DENND5B: variants seen among roughly 807,000 people sequenced by gnomAD.
The protein encoded by DENND5B is DENN domain-containing protein 5B.
A neutral mutation model predicts 140.6 loss-of-function variants in DENND5B; 34 were observed. The observed-to-expected ratio is 0.24, with a 90% CI of 0.18 to 0.32. DENND5B has a LOEUF of 0.32. DENND5B is among the 10% of genes least tolerant of loss of function. DENND5B has a pLI of 1.00. For missense variants in DENND5B, 1,142 were observed against 1,560.2 expected, an observed-to-expected ratio of 0.73 and a Z score of 4.52; for synonymous variants, 551 against 562.1, an observed-to-expected ratio of 0.98 and a Z score of 0.28.
intron 1 of DENND5B, among the ~76,000 whole-genome samples, chr12:31,566,009 G>A (rs1949612862): frequency 6.6e-6 from 1 of 151,948 alleles, no homozygotes; most frequent in Admixed American, 6.6e-5. Flanking sequence ...GCTGGGCATG[G>A]TGGCATGCAC....
chr12:31,505,238 CCTTT>C (rs1220542253), intron 1 of DENND5B, among the ~76,000 whole-genome samples: 1 of 130,370 alleles, frequency 7.7e-6, no homozygotes, highest in African/African-American at 2.8e-5. Flanking sequence ...ACAGAATTTG[CCTTT>C]TTTTTTTTTT....
chr12:31,465,297 T>C (rs1476041057), intron 3 of DENND5B: 1 of 152,396 alleles, frequency 6.6e-6, no homozygotes, highest in African/African-American at 2.4e-5. Context: ...GCTGGTGGTA[T>C]CCAGCATGCC....
At chr12:31,439,971 G>A (rs1278035980) in intron 7 of DENND5B, among the ~76,000 whole-genome samples, 2 of 127,176 alleles carry the variant, frequency 1.6e-5, no homozygotes, top group Non-Finnish European at 3.3e-5. Flanking sequence ...AACAAAAACT[G>A]TTAAACTAAT....
intron 7 of DENND5B, among the ~76,000 whole-genome samples, chr12:31,441,544 T>C (rs2137968004): frequency 6.6e-6 from 1 of 150,928 alleles, no homozygotes; most frequent in Admixed American, 6.6e-5. Context: ...ATAATAGTGG[T>C]GATCATAGGT....
At chr12:31,390,679 A>AT (rs888005655) in intron 19 of DENND5B, among the ~76,000 whole-genome samples, 98 of 151,662 alleles carry the variant, frequency 6.5e-4, no homozygotes, top group Non-Finnish European at 1.2e-3. Flanking sequence ...TTAAATGGCT[A>AT]TATGTGGCTA....
At chr12:31,471,864 G>A (rs1368521768) in intron 3 of DENND5B, among the ~76,000 whole-genome samples, 1 of 152,056 alleles carries the variant, frequency 6.6e-6, no homozygotes, top group African/African-American at 2.4e-5. Context: ...ATCCTTGAGG[G>A]ACCAGCCAGT....
At chr12:31,457,190 G>A (rs1287379772) in intron 4 of DENND5B, among the ~76,000 whole-genome samples, 2 of 152,200 alleles carry the variant, frequency 1.3e-5, no homozygotes, top group Non-Finnish European at 2.9e-5. Context: ...ACCAGTTACT[G>A]TGAAGATGAG....
intron 14 of DENND5B, among the ~76,000 whole-genome samples, chr12:31,405,042 G>A (rs914098402): frequency 2.4e-4 from 37 of 151,778 alleles, no homozygotes; most frequent in African/African-American, 8.2e-4. Context: ...TTACAGGCAT[G>A]AGCCACCGTG....
intron 1 of DENND5B, among the ~76,000 whole-genome samples, chr12:31,557,368 T>C (rs963189941): frequency 7.2e-5 from 11 of 152,154 alleles, no homozygotes; most frequent in African/African-American, 2.7e-4. Context: ...TATAGTTATA[T>C]TCATATTCAT....
chr12:31,482,691 G>A (rs748230717), intron 2 of DENND5B, among the ~76,000 whole-genome samples: 4 of 151,816 alleles, frequency 2.6e-5, no homozygotes, highest in East Asian at 3.9e-4. Context: ...CAATCCTCCC[G>A]CCTCAGCCTC....
intron 1 of DENND5B, among the ~76,000 whole-genome samples, chr12:31,548,961 T>C (rs1484329453): frequency 6.6e-6 from 1 of 152,070 alleles, no homozygotes; most frequent in Non-Finnish European, 1.5e-5. Context: ...AGTGGTACGA[T>C]CATAGCTCAC....
At position 31,398,095 on chromosome 12, in the gene DENND5B, T is replaced by C; in HGVS notation, c.3256+80A>G. ...TTTTAAAATCTCCTCACTACATTCA[T>C]TAACACAACTGTTTTCTATCAAATG... On this transcript the variant is annotated intron_variant, in intron 17 of 20. Transcript: ENST00000389082. 3 of 1,343,770 alleles carry C rather than the reference T, an allele frequency of 2.2e-6. 1 individual carries two copies. In the South Asian group the frequency reaches 4.4e-5, roughly 20 times the overall value. 83.2% of individuals were successfully genotyped at this position (1,343,770 alleles called of 1,614,324 possible).
chr12:31,476,083 G>A (rs1347758715), intron 3 of DENND5B, among the ~76,000 whole-genome samples: 2 of 151,628 alleles, frequency 1.3e-5, no homozygotes, highest in Non-Finnish European at 2.9e-5. Context: ...CTGAGATTGC[G>A]CCACTGCACT....
At chr12:31,486,711 A>T (rs529843979) in intron 2 of DENND5B, among the ~76,000 whole-genome samples, 1 of 152,356 alleles carries the variant, frequency 6.6e-6, no homozygotes, top group South Asian at 2.1e-4. Flanking sequence ...TCATGCAGCG[A>T]TAGATAATCA....
At chr12:31,428,297 G>A (rs1032203811) in intron 8 of DENND5B, among the ~76,000 whole-genome samples, 7 of 151,028 alleles carry the variant, frequency 4.6e-5, no homozygotes, top group South Asian at 2.1e-4. Flanking sequence ...AGCCAAGATC[G>A]TGCCATCGCA....
chr12:31,538,920 T>C (rs549022151), intron 1 of DENND5B, among the ~76,000 whole-genome samples: 63 of 144,902 alleles, frequency 4.3e-4, no homozygotes, highest in Non-Finnish European at 8.9e-4. Context: ...TAAGTGAAAC[T>C]GAAACAAAAA....
intron 1 of DENND5B, among the ~76,000 whole-genome samples, chr12:31,568,885 C>A (rs1337344749): frequency 1.3e-5 from 2 of 152,040 alleles, no homozygotes; most frequent in Non-Finnish European, 2.9e-5. Flanking sequence ...CATCTCCCAC[C>A]ACTTCATAAA....
Position 31,392,402 on chromosome 12 carries a change from C to T in DENND5B, c.3340-9G>A, listed in dbSNP as rs1170420885. On this transcript the variant is annotated splice_polypyrimidine_tract_variant and intron_variant, in intron 18 of 20. Coordinates refer to ENST00000389082, the MANE Select transcript of DENND5B (RefSeq NM_144973.4). ...ACGGTGAGGCTTCCTCTCTGTGGGG[C>T]ATAACACACAGTGCCAAAGAAAAAT... 3.7e-6 allele frequency: 6 copies of T among 1,612,600 alleles called. No individual in the cohort carries two copies. Among genetic ancestry groups the T allele is most frequent in the African/African-American group, 2.7e-5 (2 of 74,804 alleles).
At chr12:31,525,953 A>C (rs766818509) in intron 1 of DENND5B, among the ~76,000 whole-genome samples, 1 of 152,194 alleles carries the variant, frequency 6.6e-6, no homozygotes, top group Admixed American at 6.5e-5. Flanking sequence ...AGATTGCACC[A>C]TTGCACTCCA....
Sources: gnomAD v4.1 joint callset for allele counts (sites outside exome capture counted in the v4.1 genomes callset) on GRCh38, gnomAD v4.1.1 for gene constraint, MANE v1.5 for transcripts, NCBI Gene and HGNC (gene_info 2026-07-23, HGNC 2026-07-21) for gene names.